The following ERC2 variants were observed in gnomAD, a reference collection of about 807,000 sequenced individuals.
ERC2 encodes ELKS/RAB6-interacting/CAST family member 2, also known as ERC protein 2.
ERC2 carries 42 observed loss-of-function variants against 114.8 expected under a neutral mutation model. The ratio of observed to expected loss-of-function variants is 0.37; its 90% CI spans 0.29 to 0.47. The LOEUF (loss-of-function observed/expected upper bound fraction) is 0.47. Among genes scored for constraint, ERC2 ranks in the 20% least tolerant of loss-of-function variants. The pLI is 0.99. For missense variants in ERC2, 939 were observed against 1,150.7 expected (o/e 0.82, Z 2.66); for synonymous variants, 454 against 425.5 (o/e 1.07, Z -0.82).
At chr3:56,158,426 A>G (rs1318102163) in intron 4 of ERC2, among the ~76,000 whole-genome samples, 1 of 152,192 alleles carries the variant, frequency 6.6e-6, no homozygotes, top group Middle Eastern at 3.2e-3. Flanking sequence ...AGGCTTATTT[A>G]GTTCCTTCTC....
At chr3:56,226,937 C>G (rs2050285413) in intron 3 of ERC2, among the ~76,000 whole-genome samples, 1 of 152,120 alleles carries the variant, frequency 6.6e-6, no homozygotes, top group African/African-American at 2.4e-5. Context: ...CAAAACTGCC[C>G]CTTGTTTAAA....
rs375933326 is a variant in ERC2, at chr3:55,862,211, CA to C, written c.2564+26177del. 3.0e-3 allele frequency among the ~76,000 whole-genome samples: 461 copies of C among 152,174 alleles called. 3 individuals are homozygous for C. Among genetic ancestry groups the C allele is most frequent in the African/African-American group, 0.011 (438 of 41,506 alleles). On this transcript the variant is annotated intron_variant, in intron 14 of 17. Coordinates refer to ENST00000288221, the MANE Select transcript of ERC2 (RefSeq NM_015576.3). Reference sequence around the variant, plus strand: ...GTATATATATACATATATATTCACACATTTTTTTTGGTCAGAGTGGCAAGCT... The same window carrying C: ...GTATATATATACATATATATTCACACTTTTTTTTGGTCAGAGTGGCAAGCT...
At chr3:55,817,525 T>C (rs1341948474) in intron 14 of ERC2, among the ~76,000 whole-genome samples, 1 of 152,226 alleles carries the variant, frequency 6.6e-6, no homozygotes, top group East Asian at 1.9e-4. Context: ...AAATAAGCGA[T>C]ATTTATATTG....
At chr3:56,018,716 G>A (rs1370597652) in intron 8 of ERC2, among the ~76,000 whole-genome samples, 178 bp downstream of exon 8, 1 of 152,170 alleles carries the variant, frequency 6.6e-6, no homozygotes, top group Non-Finnish European at 1.5e-5. Context: ...AAATGCCCCT[G>A]ACTGTAGTAT....
chr3:55,795,499 A>C (rs1238994266), intron 14 of ERC2, among the ~76,000 whole-genome samples: 2 of 152,142 alleles, frequency 1.3e-5, no homozygotes, highest in Non-Finnish European at 2.9e-5. Flanking sequence ...GATTGTTTGC[A>C]ATTAGGTAAC....
chr3:56,353,730 G>T (rs1035647617), intron 2 of ERC2, among the ~76,000 whole-genome samples: 8 of 151,318 alleles, frequency 5.3e-5, no homozygotes, highest in Admixed American at 4.6e-4. Flanking sequence ...GGTGCAGCAC[G>T]CCAACATGGC....
chr3:56,145,592 T>G (rs889529885), intron 5 of ERC2, among the ~76,000 whole-genome samples: 2 of 152,082 alleles, frequency 1.3e-5, no homozygotes, highest in African/African-American at 4.8e-5. Flanking sequence ...ACATCTGAGA[T>G]CTCCCAGAGG....
chr3:55,770,378 C>T (rs981091618), intron 14 of ERC2, among the ~76,000 whole-genome samples: 6 of 152,052 alleles, frequency 3.9e-5, no homozygotes, highest in African/African-American at 1.2e-4. Context: ...TTTTTTTAGT[C>T]GGTTGCCAAA....
intron 1 of ERC2, among the ~76,000 whole-genome samples, chr3:56,454,490 G>A (rs74666980): frequency 0.019 from 2,870 of 152,186 alleles, 38 homozygotes; most frequent in Middle Eastern, 0.041. Flanking sequence ...GTTCACAACC[G>A]CATTATTCAT....
At chr3:55,641,670 G>C (rs577112396) in intron 17 of ERC2, among the ~76,000 whole-genome samples, 1 of 149,168 alleles carries the variant, frequency 6.7e-6, no homozygotes, top group Non-Finnish European at 1.5e-5. Context: ...CAGATAGCCT[G>C]TATAGGTTCC....
chr3:55,924,501 C>T (rs1458163666), intron 13 of ERC2, among the ~76,000 whole-genome samples: 2 of 152,048 alleles, frequency 1.3e-5, no homozygotes, highest in Non-Finnish European at 2.9e-5. Context: ...TTTGTTTTCA[C>T]CTACCTTTAG....
intron 14 of ERC2, among the ~76,000 whole-genome samples, chr3:55,834,014 G>A (rs1405583460): frequency 4.0e-5 from 6 of 150,994 alleles, no homozygotes; most frequent in African/African-American, 1.5e-4. Context: ...AGACAAAGAA[G>A]GCCATTACAT....
At chr3:55,561,829 T>C (rs1180208120) in intron 17 of ERC2, among the ~76,000 whole-genome samples, 1 of 152,168 alleles carries the variant, frequency 6.6e-6, no homozygotes, top group African/African-American at 2.4e-5. Flanking sequence ...CCCTTGGCCA[T>C]GCCATATTAT....
chr3:56,255,759 T>C (rs1011756970), intron 3 of ERC2, among the ~76,000 whole-genome samples: 2 of 152,236 alleles, frequency 1.3e-5, no homozygotes, highest in Non-Finnish European at 2.9e-5. Context: ...ATTCTTTCTT[T>C]CCTTTGGGTT....
intron 17 of ERC2, among the ~76,000 whole-genome samples, chr3:55,656,438 A>G (rs2060869752): frequency 6.6e-6 from 1 of 152,200 alleles, no homozygotes; most frequent in South Asian, 2.1e-4. Flanking sequence ...ATTAACAAGC[A>G]TGAGCCACCA....
chr3:55,961,810 A>C (rs576047247), intron 12 of ERC2, among the ~76,000 whole-genome samples: 25 of 151,642 alleles, frequency 1.6e-4, no homozygotes, highest in African/African-American at 6.0e-4. Context: ...ATTCAATTTC[A>C]TAAAATGATT....
rs1267073206 is a variant in ERC2, at chr3:56,033,014, AG to A, written c.1642-13984del. ...AAGAAAGAAAGAAAGAAAGAAAGAA[AG>A]AAAGAAAAAAGAAACAGAAAGAAAG... On this transcript the variant is annotated intron_variant, in intron 7 of 17. Coordinates refer to ENST00000288221, the MANE Select transcript of ERC2 (RefSeq NM_015576.3). 9.0e-3 allele frequency among the ~76,000 whole-genome samples: 1,069 copies of A among 118,552 alleles called. 11 individuals are homozygous for A. Among genetic ancestry groups the A allele is most frequent in the Middle Eastern group, 0.016 (4 of 258 alleles). 77.8% of individuals were successfully genotyped at this position (118,552 alleles called of 152,430 possible). A position where few individuals can be genotyped will look rare whatever the true frequency, so the allele number is the denominator to read the frequency against.
chr3:56,122,203 G>T (rs76714959), intron 6 of ERC2, among the ~76,000 whole-genome samples: 4,014 of 152,328 alleles, frequency 0.026, 181 homozygotes, highest in African/African-American at 0.092. Context: ...ATGCACAGAT[G>T]TAGAAGGACC....
At chr3:56,098,422 C>T (rs986961455) in intron 6 of ERC2, among the ~76,000 whole-genome samples, 1 of 152,124 alleles carries the variant, frequency 6.6e-6, no homozygotes, top group African/African-American at 2.4e-5. Context: ...CCAGGAAGGA[C>T]ATAAATGACC....
Sources: gnomAD v4.1 joint callset for allele counts (sites outside exome capture counted in the v4.1 genomes callset) on GRCh38, gnomAD v4.1.1 for gene constraint, MANE v1.5 for transcripts, NCBI Gene and HGNC (gene_info 2026-07-23, HGNC 2026-07-21) for gene names.